NTRK3: variants seen among roughly 807,000 people sequenced by gnomAD.
The protein encoded by NTRK3 is neurotrophic receptor tyrosine kinase 3, also known as NT-3 growth factor receptor.
Under a neutral mutation model 91.7 loss-of-function variants are expected in NTRK3, and 24 were observed. That is an observed-to-expected ratio of 0.26 (90% CI 0.19 to 0.37). The LOEUF (loss-of-function observed/expected upper bound fraction) is 0.37. Ranked by LOEUF, NTRK3 falls within the 10% of genes least tolerant of loss-of-function variation. The pLI, the probability that NTRK3 is intolerant of heterozygous loss-of-function variation, is 1.00. For missense variants in NTRK3, 880 were observed against 1,068.9 expected, an observed-to-expected ratio of 0.82 and a Z score of 2.46; for synonymous variants, 483 against 404.0, an observed-to-expected ratio of 1.20 and a Z score of -2.34.
chr15:88,056,175 CATAT>C (rs71462431), intron 13 of NTRK3, among the ~76,000 whole-genome samples: 48 of 57,242 alleles, frequency 8.4e-4, no homozygotes, highest in South Asian at 2.8e-3. Flanking sequence ...AGACTGTTTT[CATAT>C]ATATATATAT....
At chr15:88,227,856 C>G (rs376566186) in intron 3 of NTRK3, among the ~76,000 whole-genome samples, 1 of 152,062 alleles carries the variant, frequency 6.6e-6, no homozygotes, top group Admixed American at 6.5e-5. Flanking sequence ...CAAGCATTCC[C>G]CTTGCTAGCT....
chr15:88,099,288 A>G (rs1479680668), intron 13 of NTRK3: 1 of 220,896 alleles, frequency 4.5e-6, no homozygotes, highest in Non-Finnish European at 9.1e-6. Context: ...TGGAAGGGAA[A>G]AGGAAAACAT....
chr15:88,051,820 GTTC>G (rs1041706428), intron 13 of NTRK3, among the ~76,000 whole-genome samples: 4 of 152,166 alleles, frequency 2.6e-5, no homozygotes, highest in African/African-American at 7.2e-5. Context: ...TAAGTGACAG[GTTC>G]TTCTTTTAAT....
At chr15:88,167,352 T>C (rs2045062473) in intron 5 of NTRK3, among the ~76,000 whole-genome samples, 1 of 151,906 alleles carries the variant, frequency 6.6e-6, no homozygotes, top group Non-Finnish European at 1.5e-5. Flanking sequence ...ACCAGATGAG[T>C]CTCCTCCCAG....
chr15:88,203,447 C>T (rs1283898834), intron 3 of NTRK3, among the ~76,000 whole-genome samples: 1 of 152,100 alleles, frequency 6.6e-6, no homozygotes, highest in East Asian at 1.9e-4. Flanking sequence ...TCTGCATTTA[C>T]CCCCCTAATC....
intron 10 of NTRK3, among the ~76,000 whole-genome samples, chr15:88,134,848 T>C (rs113726740): frequency 1.0e-3 from 159 of 152,350 alleles, no homozygotes; most frequent in Middle Eastern, 3.4e-3. Flanking sequence ...TCTACTATCA[T>C]ACAGTGTGCC....
chr15:87,997,480 T>C (rs1014139231), intron 14 of NTRK3, among the ~76,000 whole-genome samples: 2 of 152,170 alleles, frequency 1.3e-5, no homozygotes, highest in African/African-American at 4.8e-5. Flanking sequence ...CCGCTTGTTA[T>C]TCCACTAAAT....
At chr15:87,971,043 T>C (rs75523672) in intron 14 of NTRK3, among the ~76,000 whole-genome samples, 4,530 of 152,308 alleles carry the variant, frequency 0.03, 235 homozygotes, top group African/African-American at 0.1. Flanking sequence ...AGGTACTGTG[T>C]AGCAATCTCC....
intron 13 of NTRK3, among the ~76,000 whole-genome samples, chr15:88,035,302 C>T (rs977080904): frequency 3.3e-5 from 5 of 152,116 alleles, no homozygotes; most frequent in Admixed American, 6.5e-5. Context: ...CCCACTATCA[C>T]CTTGCTCCCT....
At chr15:87,952,783 A>G (rs576716112) in intron 14 of NTRK3, among the ~76,000 whole-genome samples, 11 of 152,038 alleles carry the variant, frequency 7.2e-5, no homozygotes, top group African/African-American at 2.4e-4. Context: ...TTCAAGGTAT[A>G]TGTTCCCATT....
At position 87,893,629 on chromosome 15, in the gene NTRK3, T is replaced by A. The variant is rs552252465; in HGVS notation, c.2134-13201A>T. Among the ~76,000 whole-genome samples the A allele has an allele frequency of 1.1e-4, 16 of 152,290 alleles. No homozygotes were observed. The South Asian group carries it at 3.3e-3, about 32-fold the overall frequency. On this transcript the variant is annotated intron_variant, in intron 17 of 18. Coordinates refer to ENST00000394480, the Ensembl canonical transcript of NTRK3. ...GGGTTAAATAGAAACTCAGCTAAGT[T>A]CTACAAGGTTCTCAGGCTTCCGCAT...
At chr15:88,054,129 A>T (rs543238536) in intron 13 of NTRK3, among the ~76,000 whole-genome samples, 1 of 152,376 alleles carries the variant, frequency 6.6e-6, no homozygotes, top group East Asian at 1.9e-4. Flanking sequence ...GCAAAAAGAA[A>T]TGGGAATAAT....
exon 6 of NTRK3, chr15:88,147,349 C>A (rs376126497): frequency 6.2e-7 from 1 of 1,613,732 alleles, no homozygotes; most frequent in Non-Finnish European, 8.5e-7. Context: ...CCCGAAGACT[C>A]AGCGTCTGGA....
At chr15:88,181,758 A>C (rs1395904354) in intron 5 of NTRK3, among the ~76,000 whole-genome samples, 1 of 152,172 alleles carries the variant, frequency 6.6e-6, no homozygotes, top group African/African-American at 2.4e-5. Flanking sequence ...TTCTGGAAAC[A>C]AGTCTGACCA....
intron 13 of NTRK3, among the ~76,000 whole-genome samples, chr15:88,058,686 T>A (rs1384503999): frequency 6.6e-6 from 1 of 152,080 alleles, no homozygotes; most frequent in Non-Finnish European, 1.5e-5. Context: ...GATATATCCA[T>A]CCCCATCTGT....
chr15:88,042,052 C>A (rs1022589327), intron 13 of NTRK3, among the ~76,000 whole-genome samples: 3 of 151,988 alleles, frequency 2.0e-5, no homozygotes, highest in African/African-American at 7.2e-5. Flanking sequence ...AACAAGCCAA[C>A]CTTTGGATTA....
In NTRK3 at chr15:87,909,575, T is replaced by A. The variant is rs146277470; in HGVS notation, c.2133+19616A>T. 6.6e-5 allele frequency among the ~76,000 whole-genome samples: 10 copies of A among 151,916 alleles called. No individual in the cohort carries two copies. In the East Asian group the frequency reaches 1.9e-3, roughly 30 times the overall value. On this transcript the variant is annotated intron_variant, in intron 17 of 18. Coordinates refer to ENST00000394480, the Ensembl canonical transcript of NTRK3. Reference sequence around the variant, plus strand: ...CGAACAGAAAGAAAGAAGACGGAGATGAAAGAAAGGACAGATGGGCAGTTG... The same window carrying A: ...CGAACAGAAAGAAAGAAGACGGAGAAGAAAGAAAGGACAGATGGGCAGTTG...
intron 17 of NTRK3, among the ~76,000 whole-genome samples, chr15:87,919,433 C>T (rs575776769): frequency 6.6e-6 from 1 of 152,320 alleles, no homozygotes; most frequent in African/African-American, 2.4e-5. Flanking sequence ...CTCTCCACGT[C>T]ATCTTCTCTC....
At chr15:88,007,878 T>C (rs2076606761) in intron 14 of NTRK3, among the ~76,000 whole-genome samples, 1 of 152,200 alleles carries the variant, frequency 6.6e-6, no homozygotes, top group South Asian at 2.1e-4. Flanking sequence ...TAACGTGCCT[T>C]ATACCCTATG....
Sources: allele counts gnomAD v4.1 joint callset (sites outside exome capture counted in the v4.1 genomes callset), GRCh38; gene constraint gnomAD v4.1.1; transcripts MANE v1.5; gene names NCBI Gene and HGNC (gene_info 2026-07-23, HGNC 2026-07-21).